The following ZNF331 variants were observed in gnomAD, a reference collection of about 807,000 sequenced individuals.
ZNF331 encodes zinc finger protein 331.
ZNF331 carries 2 observed loss-of-function variants against 7.0 expected under a neutral mutation model. The ratio of observed to expected loss-of-function variants is 0.29; its 90% CI spans 0.12 to 0.90. ZNF331 has a LOEUF of 0.90. Ranked by LOEUF, ZNF331 falls within the 40% of genes least tolerant of loss-of-function variation. The pLI is 0.58. For synonymous variants in ZNF331, 196 were observed against 205.4 expected, an observed-to-expected ratio of 0.95 and a Z score of 0.39; for missense variants, 432 against 587.7, an observed-to-expected ratio of 0.74 and a Z score of 2.74.
the ZNF331 span, chr19:53,512,416 A>G: frequency 1.3e-5 from 2 of 152,218 alleles, no homozygotes; most frequent in African/African-American, 2.4e-5. Context: ...CCTCAGACCT[A>G]GAGTGCAGGG....
At chr19:53,506,411 C>CCTCTCTCTCTCT in the ZNF331 span, among the ~76,000 whole-genome samples, 3 of 74,414 alleles carry the variant, frequency 4.0e-5, no homozygotes, top group East Asian at 4.1e-4. Context: ...CTCTCTCTCT[C>CCTCTCTCTCTCT]CTCTCTCTCT....
At chr19:53,544,500 A>G (rs867736311) in intron 2 of ZNF331, among the ~76,000 whole-genome samples, 29 of 149,648 alleles carry the variant, frequency 1.9e-4, no homozygotes, top group East Asian at 4.0e-4. Context: ...AGCCGAGATC[A>G]CGCCACTGCA....
At position 53,558,265 on chromosome 19, in the gene ZNF331, A is replaced by G. The variant is rs559638806; in HGVS notation, c.-74+2357A>G. Among the ~76,000 whole-genome samples the G allele has an allele frequency of 1.3e-5, 2 of 152,256 alleles. No individual in the cohort carries two copies. The highest frequency in any genetic ancestry group is 1.3e-4 in the Admixed American group (2 of 15,292). On this transcript the variant is annotated intron_variant, in intron 3 of 5. Transcript: ENST00000449416. This position sits in a 1 kb window ranked among gnomAD's most constrained non-coding sequence, Gnocchi z 4.5. ...TTTATTACAAAGGATATTTTAAAGG[A>G]TACTAATGAACAGCCAGATGAAGAG...
chr19:53,515,767 G>A (rs1330074897), upstream of ZNF331, among the ~76,000 whole-genome samples: 2 of 152,160 alleles, frequency 1.3e-5, no homozygotes, highest in Non-Finnish European at 2.9e-5. Flanking sequence ...AAAGTACTGG[G>A]ATTACAGGCA....
chr19:53,542,187 CTG>C (rs1232473775), intron 2 of ZNF331, among the ~76,000 whole-genome samples: 1 of 152,080 alleles, frequency 6.6e-6, no homozygotes, highest in South Asian at 2.1e-4. Context: ...CGCATTACAC[CTG>C]TGTGTGTGTT....
At chr19:53,537,649 T>C (rs1191776643), upstream of ZNF331, 1 of 152,344 alleles carries the variant, frequency 6.6e-6, no homozygotes, top group African/African-American at 2.4e-5. Context: ...GAGTACGCCG[T>C]GCTGCATGCT....
intron 2 of ZNF331, among the ~76,000 whole-genome samples, chr19:53,553,800 G>A (rs1015039761): frequency 6.6e-5 from 10 of 152,216 alleles, no homozygotes; most frequent in Non-Finnish European, 1.5e-4. Flanking sequence ...GGCTAGGAGA[G>A]GATACCCTTC....
At chr19:53,506,496 CTCTCTCTCTCTG>C in the ZNF331 span, among the ~76,000 whole-genome samples, 2 of 141,620 alleles carry the variant, frequency 1.4e-5, no homozygotes, top group African/African-American at 6.0e-5. Context: ...GTCTCTCTCT[CTCTCTCTCTCTG>C]TCTCTCTCTC....
intron 2 of ZNF331, among the ~76,000 whole-genome samples, chr19:53,544,756 C>T (rs553036201): frequency 4.0e-5 from 6 of 151,614 alleles, no homozygotes; most frequent in African/African-American, 9.7e-5. Context: ...TTTTTTGAGA[C>T]GGAGTCTTTC....
chr19:53,577,903 G>A lies in ZNF331; in HGVS notation c.1343G>A (p.Cys448Tyr). The A allele has an allele frequency of 6.2e-7, 1 of 1,613,800 alleles. No individual in the cohort carries two copies. Among genetic ancestry groups the A allele is most frequent in the Non-Finnish European group, 8.5e-7 (1 of 1,180,016 alleles). The change falls in exon 6 of 6, where the codon TGT becomes TAT. Residue 448 changes from cysteine to tyrosine, a missense_variant. Physicochemically the swap from Cys to Tyr is radical, Grantham distance 194. Transcript: ENST00000449416. ...GAATGTAAGGAGTGCGGGAAGGCATGTAACCACCTAAACCATCTCCGAGAA... is the reference window on the plus strand; with the variant it reads ...GAATGTAAGGAGTGCGGGAAGGCATATAACCACCTAAACCATCTCCGAGAA... The part of the protein sequence containing the change: ...SYECKECGKA[C>Y]NHLNHLREHQ...
At chr19:53,524,124 T>C (rs2087199858) in intron 2 of ZNF331, among the ~76,000 whole-genome samples, 1 of 152,258 alleles carries the variant, frequency 6.6e-6, no homozygotes, top group Non-Finnish European at 1.5e-5. Flanking sequence ...TAGTAATCCA[T>C]GGTGTATATG....
At chr19:53,567,862 A>G (rs975748771) in intron 3 of ZNF331, among the ~76,000 whole-genome samples, 2 of 150,826 alleles carry the variant, frequency 1.3e-5, no homozygotes, top group African/African-American at 4.9e-5. Flanking sequence ...ACAAAAAACT[A>G]TTCACTAAAA....
Position 53,571,935 on chromosome 19 carries a change from G to A in ZNF331, c.136+205G>A, listed in dbSNP as rs759378402. On this transcript the variant is annotated intron_variant, in intron 5 of 5. Transcript: ENST00000449416. The surrounding 1 kb of genome is among the most constrained non-coding windows in gnomAD (Gnocchi z 4.7). Reference sequence around the variant, plus strand: ...CCTTCCCACCTTTGTCGACTCCCCCGTAATCATCTCACTTCCTTAATGTCC... The same window carrying A: ...CCTTCCCACCTTTGTCGACTCCCCCATAATCATCTCACTTCCTTAATGTCC... Among the ~76,000 whole-genome samples, 4 of 151,932 alleles carry A rather than the reference G, an allele frequency of 2.6e-5. No individual in the cohort carries two copies. Among genetic ancestry groups the A allele is most frequent in the African/African-American group, 4.8e-5 (2 of 41,300 alleles).
chr19:53,528,689 C>T (rs2087404527), intron 2 of ZNF331, among the ~76,000 whole-genome samples: 1 of 152,106 alleles, frequency 6.6e-6, no homozygotes, highest in African/African-American at 2.4e-5. Flanking sequence ...ATCATAAATG[C>T]TTTCTCAATT....
chr19:53,535,018 CAAAAAAAA>C (rs59509834), upstream of ZNF331, among the ~76,000 whole-genome samples: 6 of 127,354 alleles, frequency 4.7e-5, no homozygotes, highest in Admixed American at 1.7e-4. Flanking sequence ...AGCCTGTAAC[CAAAAAAAA>C]AAAAAAAAAA....
chr19:53,573,038 G>A lies in ZNF331; in HGVS notation c.136+1308G>A, dbSNP rs145481483. On this transcript the variant is annotated intron_variant, in intron 5 of 5. Coordinates refer to ENST00000449416, the MANE Select transcript of ZNF331 (RefSeq NM_001079906.2). This position sits in a 1 kb window ranked among gnomAD's most constrained non-coding sequence, Gnocchi z 4.2. ...GTTAGAGACCAGCCTGGCCAACATG[G>A]TGAAACCCTGTCTCTACTAAAAATA... Among the ~76,000 whole-genome samples the A allele has an allele frequency of 8.9e-3, 1,360 of 152,172 alleles. 7 individuals carry two copies. The highest frequency in any genetic ancestry group is 0.014 in the Non-Finnish European group (970 of 67,998).
At chr19:53,575,499 CT>C (rs34296898) in intron 5 of ZNF331, among the ~76,000 whole-genome samples, 2,025 of 75,820 alleles carry the variant, frequency 0.027, 7 homozygotes, top group African/African-American at 0.07. Flanking sequence ...TACCCAGTTG[CT>C]TTTTTTTTTT....
In ZNF331 at chr19:53,577,627, A is replaced by G; in HGVS notation, c.1067A>G (p.Lys356Arg). ...ATACATACGGGCGAGAAGCCGTACA[A>G]GTGCACAGAATGTGGGAAGGCCTTC... The part of the protein sequence containing the change: ...ERIHTGEKPY[K>R]CTECGKAFNC... Residue 356 changes from lysine to arginine, a missense_variant, in exon 6 of 6, where the codon AAG becomes AGG. Lys to Arg is a conservative substitution (Grantham distance 26). This residue lies in a region of ZNF331 where 312 missense variants were observed against 448.6 expected (regional missense o/e 0.70). Transcript: ENST00000449416. 2 of 1,613,650 alleles carry G rather than the reference A, an allele frequency of 1.2e-6. No individual in the cohort carries two copies. Among genetic ancestry groups the G allele is most frequent in the South Asian group, 2.2e-5 (2 of 91,050 alleles).
rs778884171 is a variant in ZNF331 at position 53,571,759 on chromosome 19, C to G, written c.136+29C>G. The stretch of plus-strand genomic sequence containing the variant: ...AGTTGCACGCCTCAGATAACTTAGA[C>G]TGCCTCCTGGAATATCCGCTCTCCC... On this transcript the variant is annotated intron_variant, in intron 5 of 5. Coordinates refer to ENST00000449416, the MANE Select transcript of ZNF331 (RefSeq NM_001079906.2). This position sits in a 1 kb window ranked among gnomAD's most constrained non-coding sequence, Gnocchi z 4.7. 1 of 1,583,432 alleles carries G rather than the reference C, an allele frequency of 6.3e-7. No homozygotes were observed. Among genetic ancestry groups the G allele is most frequent in the South Asian group, 1.1e-5 (1 of 86,984 alleles).
Sources: allele counts gnomAD v4.1 joint callset (sites outside exome capture counted in the v4.1 genomes callset), GRCh38; gene constraint gnomAD v4.1.1; regional missense constraint gnomAD v4.1.1; non-coding constraint Gnocchi (gnomAD v3.1); transcripts MANE v1.5; gene names NCBI Gene and HGNC (gene_info 2026-07-23, HGNC 2026-07-21).